CHSY3: variants seen among roughly 807,000 people sequenced by gnomAD.
CHSY3 encodes the protein chondroitin sulfate synthase 3, also known as N-acetylgalactosaminyl-proteoglycan 3-beta-glucuronosyltransferase 3.
A neutral mutation model predicts 67.2 loss-of-function variants in CHSY3; 35 were observed. The ratio of observed to expected loss-of-function variants is 0.52; its 90% CI spans 0.40 to 0.69. CHSY3 has a LOEUF of 0.69. Among genes scored for constraint, CHSY3 ranks in the 30% least tolerant of loss-of-function variants. The pLI is 0.00. For missense variants in CHSY3, 1,069 were observed against 1,138.5 expected, an observed-to-expected ratio of 0.94 and a Z score of 0.88; for synonymous variants, 474 against 434.7, an observed-to-expected ratio of 1.09 and a Z score of -1.12.
At chr5:130,140,290 A>G (rs1768819961) in intron 2 of CHSY3, 2 of 436,578 alleles carry the variant, frequency 4.6e-6, no homozygotes, top group Middle Eastern at 6.5e-4. Flanking sequence ...CCAGTCTAAT[A>G]TGAAGCATCA....
intron 2 of CHSY3, 37 bp downstream of exon 2, chr5:129,908,397 A>G: frequency 6.3e-7 from 1 of 1,598,978 alleles, no homozygotes; most frequent in Non-Finnish European, 8.5e-7. Context: ...TTCACATAGT[A>G]CATATACATG....
chr5:129,915,784 A>C (rs1264918056), intron 2 of CHSY3, among the ~76,000 whole-genome samples: 3 of 152,208 alleles, frequency 2.0e-5, no homozygotes, highest in Non-Finnish European at 2.9e-5. Context: ...ATAAGAGAAA[A>C]GTATGCAGAA....
At chr5:130,121,052 C>T (rs1246043368) in intron 2 of CHSY3, among the ~76,000 whole-genome samples, 2 of 152,162 alleles carry the variant, frequency 1.3e-5, no homozygotes, top group Non-Finnish European at 1.5e-5. Flanking sequence ...TTTGGGCTGG[C>T]TGTGGCCCTG....
chr5:129,996,045 A>T (rs766147118), intron 2 of CHSY3, among the ~76,000 whole-genome samples: 28 of 152,170 alleles, frequency 1.8e-4, no homozygotes, highest in Middle Eastern at 3.4e-3. Context: ...TGGTTCTGTC[A>T]TTTGCCAACG....
rs115881081 is a variant in CHSY3 at position 130,177,347 on chromosome 5, A to C, written c.1087-6882A>C. The stretch of plus-strand genomic sequence containing the variant: ...TTCTTTTTGCCTTCTGACCTGCTGA[A>C]ATATCTATTGGTTGCCCTTTATGTT... On this transcript the variant is annotated intron_variant, in intron 2 of 2. Transcript: ENST00000305031. 7.4e-3 allele frequency among the ~76,000 whole-genome samples: 1,126 copies of C among 151,924 alleles called. 3 individuals are homozygous for C. Among genetic ancestry groups the C allele is most frequent in the African/African-American group, 0.025 (1,024 of 41,460 alleles).
intron 2 of CHSY3, among the ~76,000 whole-genome samples, chr5:130,117,953 A>C (rs114288284): frequency 6.6e-6 from 1 of 152,146 alleles, no homozygotes; most frequent in Non-Finnish European, 1.5e-5. Flanking sequence ...AGATTCCGTG[A>C]ATGGCTTAGC....
chr5:130,052,736 C>A (rs1580687294), intron 2 of CHSY3, among the ~76,000 whole-genome samples: 2 of 151,984 alleles, frequency 1.3e-5, no homozygotes, highest in South Asian at 4.1e-4. Context: ...CATCTTAATA[C>A]CATTTAAATA....
chr5:130,167,286 T>C (rs1478703836), intron 2 of CHSY3, among the ~76,000 whole-genome samples: 1 of 151,992 alleles, frequency 6.6e-6, no homozygotes, highest in Non-Finnish European at 1.5e-5. Flanking sequence ...TGTTTGCTAA[T>C]TGGTGTTTAT....
chr5:130,171,978 C>T (rs1769906048), intron 2 of CHSY3, among the ~76,000 whole-genome samples: 1 of 152,086 alleles, frequency 6.6e-6, no homozygotes, highest in African/African-American at 2.4e-5. Flanking sequence ...GTGCTTTGGC[C>T]TTAGGCATAG....
intron 2 of CHSY3, among the ~76,000 whole-genome samples, chr5:130,025,107 T>G (rs973783516): frequency 1.0e-4 from 14 of 140,348 alleles, no homozygotes; most frequent in Non-Finnish European, 2.2e-4. Context: ...AAACTTATTT[T>G]CAGTGTTGTA....
At chr5:130,032,664 G>T (rs186665147) in intron 2 of CHSY3, among the ~76,000 whole-genome samples, 8 of 152,200 alleles carry the variant, frequency 5.3e-5, no homozygotes, top group African/African-American at 1.4e-4. Context: ...CACTCTGAGG[G>T]CATAAAATGA....
chr5:130,113,445 T>G (rs1490150620), intron 2 of CHSY3, among the ~76,000 whole-genome samples: 1 of 152,198 alleles, frequency 6.6e-6, no homozygotes, highest in African/African-American at 2.4e-5. Context: ...GTATTTAAAC[T>G]CAGAAACAAA....
chr5:130,119,192 A>C lies in CHSY3; in HGVS notation c.1087-65037A>C, dbSNP rs1015541476. Among the ~76,000 whole-genome samples, 4 of 152,314 alleles carry C rather than the reference A, an allele frequency of 2.6e-5. No individual in the cohort carries two copies. The South Asian group carries it at 6.2e-4, about 24-fold the overall frequency. ...ATATAGTAGGCCCGAGGTTGCATTT[A>C]GAAAGTAGATATCCAGAACTCCAAC... is the stretch of plus-strand genomic sequence containing the variant. On this transcript the variant is annotated intron_variant, in intron 2 of 2. Coordinates refer to ENST00000305031, the MANE Select transcript of CHSY3 (RefSeq NM_175856.5).
chr5:129,905,672 C>T, intron 1 of CHSY3, 41 bp downstream of exon 1: 3 of 1,600,654 alleles, frequency 1.9e-6, no homozygotes, highest in Non-Finnish European at 2.6e-6. Context: ...CCAGTCTCCC[C>T]GACTCCTTTC....
intron 2 of CHSY3, among the ~76,000 whole-genome samples, chr5:129,994,292 T>C (rs1006475425): frequency 5.3e-5 from 8 of 152,184 alleles, no homozygotes; most frequent in African/African-American, 1.7e-4. Flanking sequence ...TCCTGGATAA[T>C]ATCCTGCAGA....
At chr5:130,160,898 T>TA (rs112372220) in intron 2 of CHSY3, among the ~76,000 whole-genome samples, 9,255 of 144,648 alleles carry the variant, frequency 0.064, 844 homozygotes, top group African/African-American at 0.19. Context: ...TTTATTTATT[T>TA]TTTTTTTTTT....
chr5:130,034,245 A>T (rs1387214612), intron 2 of CHSY3, among the ~76,000 whole-genome samples: 1 of 152,002 alleles, frequency 6.6e-6, no homozygotes, highest in Non-Finnish European at 1.5e-5. Context: ...AGCAAATTTC[A>T]CTTCATTTTA....
intron 2 of CHSY3, among the ~76,000 whole-genome samples, chr5:130,160,896 TTTTTTTTTTTTTA>T (rs1428129070): frequency 7.2e-6 from 1 of 139,762 alleles, no homozygotes; most frequent in Admixed American, 7.1e-5. Context: ...TATTTATTTA[TTTTTTTTTTTTTA>T]TTTTTTTTTT....
In CHSY3 at chr5:130,005,446, T is replaced by G. The variant is rs1449168089; in HGVS notation, c.1086+97086T>G. ...ACGAAACAACAAAAAAAAAAACACGTTATAATATTATTGTGTAAAATAAGT... is the reference window on the plus strand; with the variant it reads ...ACGAAACAACAAAAAAAAAAACACGGTATAATATTATTGTGTAAAATAAGT... On this transcript the variant is annotated intron_variant, in intron 2 of 2. Transcript: ENST00000305031. 2.6e-5 allele frequency among the ~76,000 whole-genome samples: 4 copies of G among 151,996 alleles called. No homozygotes were observed. In the East Asian group the frequency reaches 7.7e-4, roughly 29 times the overall value.
Sources: allele counts gnomAD v4.1 joint callset (sites outside exome capture counted in the v4.1 genomes callset), GRCh38; gene constraint gnomAD v4.1.1; transcripts MANE v1.5; gene names NCBI Gene and HGNC (gene_info 2026-07-23, HGNC 2026-07-21).